BEND7: variants seen among roughly 807,000 people sequenced by gnomAD.
BEND7 encodes BEN domain containing 7.
A neutral mutation model predicts 50.9 loss-of-function variants in BEND7; 28 were observed. That is an observed-to-expected ratio of 0.55 (90% CI 0.41 to 0.75). The LOEUF is 0.75. BEND7 is among the 30% of genes least tolerant of loss of function. The pLI is 0.00. For synonymous variants in BEND7, 170 were observed against 183.9 expected (o/e 0.92, Z 0.61); for missense variants, 477 against 491.3 (o/e 0.97, Z 0.28).
intron 2 of BEND7, among the ~76,000 whole-genome samples, chr10:13,510,080 T>A (rs1226002483): frequency 1.3e-5 from 2 of 152,156 alleles, no homozygotes; most frequent in East Asian, 3.9e-4. Flanking sequence ...TCAAGAATAA[T>A]CAAGTCAAAG....
At chr10:13,521,826 C>A (rs756678736) in intron 2 of BEND7, among the ~76,000 whole-genome samples, 1 of 152,214 alleles carries the variant, frequency 6.6e-6, no homozygotes, top group Admixed American at 6.5e-5. Context: ...TACAGACGGA[C>A]CTGCCGAGTC....
chr10:13,460,650 A>G, intron 6 of BEND7, among the ~76,000 whole-genome samples: 1 of 152,222 alleles, frequency 6.6e-6, no homozygotes, highest in East Asian at 1.9e-4. Flanking sequence ...GCACCCACAA[A>G]TCTTAGAGGC....
At position 13,496,839 on chromosome 10, in the gene BEND7, A is replaced by G. The variant is rs1317252623; in HGVS notation, c.498T>C (p.Cys166=). The part of the protein sequence containing the change: ...NSSAGSNCCT[C]NCQSTLQAIL... ...TGGCCTGCAACGTTGACTGGCAGTT[A>G]CAAGTACAGCAGTTTGATCCAGCTG... The change falls in exon 4 of 9, where the codon TGT becomes TGC. Residue 166 remains cysteine, a synonymous_variant. Coordinates refer to ENST00000466271, the MANE Select transcript of BEND7 (RefSeq NM_001369863.1). The G allele has an allele frequency of 6.2e-7, 1 of 1,613,750 alleles. No individual in the cohort carries two copies. Among genetic ancestry groups the G allele is most frequent in the Non-Finnish European group, 8.5e-7 (1 of 1,179,896 alleles).
chr10:13,499,762 T>C lies in BEND7; in HGVS notation c.448+16A>G. On this transcript the variant is annotated intron_variant, in intron 3 of 8. Coordinates refer to ENST00000466271, the MANE Select transcript of BEND7 (RefSeq NM_001369863.1). ...ACCCCCATGAGAGCCTTCTGAATGTTTGTTGACAACCATACCATTGGAGCT... is the reference window on the plus strand; with the variant it reads ...ACCCCCATGAGAGCCTTCTGAATGTCTGTTGACAACCATACCATTGGAGCT... The C allele has an allele frequency of 1.9e-6, 3 of 1,580,880 alleles. No individual in the cohort carries two copies. The highest frequency in any genetic ancestry group is 2.6e-6 in the Non-Finnish European group (3 of 1,159,556).
At chr10:13,528,091 G>A (rs1023571290) in intron 1 of BEND7, among the ~76,000 whole-genome samples, 2 of 152,046 alleles carry the variant, frequency 1.3e-5, no homozygotes, top group Non-Finnish European at 2.9e-5. Flanking sequence ...GGGGGAAGGG[G>A]GAAGACCCCA....
At chr10:13,480,797 GA>G in intron 6 of BEND7, 101 bp downstream of exon 6, 1 of 1,538,600 alleles carries the variant, frequency 6.5e-7, no homozygotes, top group Non-Finnish European at 8.7e-7. Flanking sequence ...AATGGCAAAT[GA>G]AACTGGCCAC....
In BEND7 at chr10:13,492,669, G is replaced by C. The variant is rs777538404; in HGVS notation, c.779C>G (p.Ser260Cys). The change falls in exon 5 of 9, where the codon TCC (serine) becomes TGC (cysteine). Residue 260 changes from serine (S) to cysteine (C), a missense_variant. Coordinates refer to ENST00000466271, the MANE Select transcript of BEND7 (RefSeq NM_001369863.1). ...TCCTAGAACGCGGCTCTCCTCCGGGGAGGTGTGCTCGGCTGCCTGGAGAGC... is the reference window on the plus strand; with the variant it reads ...TCCTAGAACGCGGCTCTCCTCCGGGCAGGTGTGCTCGGCTGCCTGGAGAGC... ...LSALQAAEHT[S>C]PEESRVLGFG... 2 of 1,614,204 alleles carry C rather than the reference G, an allele frequency of 1.2e-6. No homozygotes were observed. Among genetic ancestry groups the C allele is most frequent in the Non-Finnish European group, 1.7e-6 (2 of 1,180,034 alleles).
At chr10:13,488,545 C>T (rs368340318) in intron 5 of BEND7, among the ~76,000 whole-genome samples, 13 of 152,050 alleles carry the variant, frequency 8.5e-5, no homozygotes, top group Middle Eastern at 3.4e-3. Flanking sequence ...TGGAGTGCAG[C>T]GGTGCAATCT....
intron 2 of BEND7, among the ~76,000 whole-genome samples, chr10:13,519,833 A>G (rs531174710): frequency 1.6e-4 from 24 of 152,300 alleles, no homozygotes; most frequent in Non-Finnish European, 2.8e-4. Flanking sequence ...ATTTTACTAG[A>G]AGGAGTTTGG....
At chr10:13,496,941 A>AAG (rs1052227551) in intron 3 of BEND7, 53 bp from the exon 4 acceptor site, 51 of 1,496,916 alleles carry the variant, frequency 3.4e-5, no homozygotes, top group Non-Finnish European at 4.4e-5. Flanking sequence ...AAAAAAAAAA[A>AAG]AAAATCATAA....
chr10:13,492,170 T>A (rs1486030062), intron 5 of BEND7, among the ~76,000 whole-genome samples: 1 of 152,190 alleles, frequency 6.6e-6, no homozygotes, highest in Non-Finnish European at 1.5e-5. Context: ...GTGGCTTGCA[T>A]CTATAAAATA....
chr10:13,468,465 A>T (rs1033544948), intron 6 of BEND7, among the ~76,000 whole-genome samples: 1 of 152,180 alleles, frequency 6.6e-6, no homozygotes, highest in Non-Finnish European at 1.5e-5. Context: ...GTTCACAAGG[A>T]GAGAGAAATT....
chr10:13,519,828 A>C (rs568858714), intron 2 of BEND7, among the ~76,000 whole-genome samples: 1 of 152,352 alleles, frequency 6.6e-6, no homozygotes, highest in Non-Finnish European at 1.5e-5. Context: ...ACAGGATTTT[A>C]CTAGAAGGAG....
Position 13,441,545 on chromosome 10 carries a change from C to A in BEND7, c.*198G>T, listed in dbSNP as rs1226785173. On this transcript the variant is annotated 3_prime_UTR_variant, in exon 9 of 9. Transcript: ENST00000466271. ...AGGCAGTGCTTCTGAAGGTTCCCAG[C>A]AGATCTCTTAACAGACCACAGTTGG... is the stretch of plus-strand genomic sequence containing the variant. 2 of 1,416,256 alleles carry A rather than the reference C, an allele frequency of 1.4e-6. No homozygotes were observed. Among genetic ancestry groups the A allele is most frequent in the Non-Finnish European group, 1.8e-6 (2 of 1,086,180 alleles). The allele number at this position is 1,416,256 out of a possible 1,614,324, so 87.7% of individuals were successfully genotyped here. A position where few individuals can be genotyped will look rare whatever the true frequency, so the allele number is the denominator to read the frequency against.
At chr10:13,453,005 G>C (rs1403866338) in intron 6 of BEND7, among the ~76,000 whole-genome samples, 1 of 152,198 alleles carries the variant, frequency 6.6e-6, no homozygotes, top group African/African-American at 2.4e-5. Context: ...TTTAGCAAAC[G>C]TATTAAAAGA....
intron 2 of BEND7, chr10:13,511,431 T>C (rs2078268087): frequency 6.6e-6 from 1 of 152,208 alleles, no homozygotes; most frequent in Admixed American, 6.5e-5. Flanking sequence ...ATTTACAAAC[T>C]TTTCTTTGTG....
At chr10:13,521,171 G>A (rs890769964) in intron 2 of BEND7, among the ~76,000 whole-genome samples, 7 of 152,078 alleles carry the variant, frequency 4.6e-5, no homozygotes. Flanking sequence ...AAGCAGCTCT[G>A]CTCCCCTTTG....
At chr10:13,524,549 C>T (rs980086864) in intron 2 of BEND7, among the ~76,000 whole-genome samples, 3 of 149,240 alleles carry the variant, frequency 2.0e-5, no homozygotes, top group African/African-American at 7.4e-5. Context: ...GAGGCTGAGG[C>T]AGGAGAATCG....
At chr10:13,464,648 A>G (rs1307835186) in intron 6 of BEND7, among the ~76,000 whole-genome samples, 1 of 152,204 alleles carries the variant, frequency 6.6e-6, no homozygotes, top group African/African-American at 2.4e-5. Context: ...AAGGCAGAGA[A>G]AACAAATTCT....
Sources: gnomAD v4.1 joint callset for allele counts (sites outside exome capture counted in the v4.1 genomes callset) on GRCh38, gnomAD v4.1.1 for gene constraint, MANE v1.5 for transcripts, NCBI Gene and HGNC (gene_info 2026-07-23, HGNC 2026-07-21) for gene names.